MBNL2: variants seen among roughly 807,000 people sequenced by gnomAD.
The protein encoded by MBNL2 is muscleblind like splicing regulator 2, also known as muscleblind-like protein 2.
A neutral mutation model predicts 41.9 loss-of-function variants in MBNL2; 17 were observed. That is an observed-to-expected ratio of 0.41 (90% CI 0.28 to 0.61). MBNL2 has a LOEUF of 0.61. MBNL2 is among the 20% of genes least tolerant of loss of function. MBNL2 has a pLI of 0.35. For synonymous variants in MBNL2, 195 were observed against 182.9 expected, an observed-to-expected ratio of 1.07 and a Z score of -0.53; for missense variants, 336 against 505.6, an observed-to-expected ratio of 0.66 and a Z score of 3.22.
chr13:97,268,211 C>A lies in MBNL2; in HGVS notation c.-604-7421C>A, dbSNP rs2050224656. ...CTGGGTTCAAGTGATTCTCATGTCTCAGCCTCCTGAATAGCTGGGATTACA... is the reference window on the plus strand; with the variant it reads ...CTGGGTTCAAGTGATTCTCATGTCTAAGCCTCCTGAATAGCTGGGATTACA... On this transcript the variant is annotated intron_variant, in intron 1 of 8. Coordinates refer to ENST00000679496, the MANE Select transcript of MBNL2 (RefSeq NM_001382683.1). This position sits in a 1 kb window ranked among gnomAD's most constrained non-coding sequence, Gnocchi z 4.6. Among the ~76,000 whole-genome samples, 1 of 152,206 alleles carries A rather than the reference C, an allele frequency of 6.6e-6. No homozygotes were observed. The highest frequency in any genetic ancestry group is 2.4e-5 in the African/African-American group (1 of 41,458).
chr13:97,358,105 C>T (rs1360842612), intron 7 of MBNL2, among the ~76,000 whole-genome samples: 1 of 152,168 alleles, frequency 6.6e-6, no homozygotes, highest in Non-Finnish European at 1.5e-5. Flanking sequence ...CATTCTATCT[C>T]TTTCTCCATC....
At chr13:97,345,256 A>AT (rs1357283704) in intron 4 of MBNL2, among the ~76,000 whole-genome samples, 6 of 152,232 alleles carry the variant, frequency 3.9e-5, no homozygotes, top group Admixed American at 3.9e-4. Flanking sequence ...GATCATTTAC[A>AT]TATCCACTTT....
At chr13:97,283,722 TA>T (rs1319866347) in intron 2 of MBNL2, among the ~76,000 whole-genome samples, 1 of 152,062 alleles carries the variant, frequency 6.6e-6, no homozygotes, top group Non-Finnish European at 1.5e-5. Context: ...TGAGGATCAT[TA>T]AAAAAATCTT....
At chr13:97,233,246 CG>C (rs1566356100) in intron 1 of MBNL2, among the ~76,000 whole-genome samples, 1 of 139,836 alleles carries the variant, frequency 7.2e-6, no homozygotes, top group Non-Finnish European at 1.5e-5. Context: ...TGTATACATG[CG>C]CCATGTTGGT....
chr13:97,284,987 A>G (rs2054135777), intron 2 of MBNL2, among the ~76,000 whole-genome samples: 1 of 152,212 alleles, frequency 6.6e-6, no homozygotes, highest in Non-Finnish European at 1.5e-5. Flanking sequence ...ATCAGTTCTT[A>G]TGAAACCATT....
chr13:97,272,688 C>A (rs1382630207), intron 1 of MBNL2, among the ~76,000 whole-genome samples: 2 of 152,142 alleles, frequency 1.3e-5, no homozygotes, highest in Non-Finnish European at 2.9e-5. Flanking sequence ...AGGGTGTGAT[C>A]TCACTTAGAG....
the MBNL2 span, among the ~76,000 whole-genome samples, chr13:97,144,078 A>C: frequency 1.3e-5 from 2 of 152,158 alleles, no homozygotes; most frequent in Non-Finnish European, 2.9e-5. Context: ...TCCTGACCTC[A>C]AGTAATCTGC....
chr13:97,343,625 C>T (rs1223755095), intron 4 of MBNL2, among the ~76,000 whole-genome samples: 1 of 152,026 alleles, frequency 6.6e-6, no homozygotes. Flanking sequence ...CCAGGGCAGC[C>T]GAGGACACTC....
chr13:97,315,730 G>C (rs946171573), intron 2 of MBNL2, among the ~76,000 whole-genome samples: 13 of 152,178 alleles, frequency 8.5e-5, no homozygotes, highest in African/African-American at 3.1e-4. Flanking sequence ...AGCATGAAAA[G>C]AAAGCAGGGC....
intron 1 of MBNL2, among the ~76,000 whole-genome samples, chr13:97,238,476 T>C (rs979714499): frequency 3.9e-5 from 6 of 152,170 alleles, no homozygotes; most frequent in African/African-American, 2.4e-5. Context: ...GTGTCATAGA[T>C]TAAGGCTTCC....
At chr13:97,170,165 C>G in the MBNL2 span, among the ~76,000 whole-genome samples, 1 of 152,142 alleles carries the variant, frequency 6.6e-6, no homozygotes, top group East Asian at 1.9e-4. Context: ...CTGAGTTCAT[C>G]TTAAATTCTA....
At chr13:97,264,636 C>T (rs373367451) in intron 1 of MBNL2, among the ~76,000 whole-genome samples, 1 of 152,142 alleles carries the variant, frequency 6.6e-6, no homozygotes, top group Non-Finnish European at 1.5e-5. Context: ...GTTGGTTACA[C>T]TATGATTTTC....
chr13:97,320,381 C>G (rs1391171356), intron 2 of MBNL2, among the ~76,000 whole-genome samples: 2 of 151,706 alleles, frequency 1.3e-5, no homozygotes, highest in Non-Finnish European at 2.9e-5. Flanking sequence ...CTCAGCCTCC[C>G]GAGTAGCTGG....
chr13:97,161,341 A>T, the MBNL2 span, among the ~76,000 whole-genome samples: 2 of 152,060 alleles, frequency 1.3e-5, no homozygotes, highest in African/African-American at 4.8e-5. Flanking sequence ...ATCATCTCAA[A>T]TTTTTTTGCA....
intron 2 of MBNL2, among the ~76,000 whole-genome samples, chr13:97,279,115 A>T (rs532054639): frequency 6.6e-6 from 1 of 152,246 alleles, no homozygotes; most frequent in Non-Finnish European, 1.5e-5. Context: ...AATAATGACA[A>T]TGATAATTAT....
intron 1 of MBNL2, among the ~76,000 whole-genome samples, chr13:97,252,150 G>A (rs568234584): frequency 2.0e-5 from 3 of 152,192 alleles, no homozygotes; most frequent in Admixed American, 6.5e-5. Context: ...GCGCCCGGCC[G>A]TATCCTCAAT....
intron 5 of MBNL2, among the ~76,000 whole-genome samples, chr13:97,352,715 C>T (rs2153099017): frequency 6.6e-6 from 1 of 152,176 alleles, no homozygotes; most frequent in Admixed American, 6.5e-5. Context: ...TGCCACAAAC[C>T]TTCAATTTTA....
chr13:97,145,510 C>G, the MBNL2 span, among the ~76,000 whole-genome samples: 1 of 152,114 alleles, frequency 6.6e-6, no homozygotes, highest in Non-Finnish European at 1.5e-5. Flanking sequence ...ATGCAGGTGC[C>G]CAGTAGCTTG....
rs565824359 is a variant in MBNL2, at chr13:97,228,616, G to T, written c.-605+6085G>T. On this transcript the variant is annotated intron_variant, in intron 1 of 8. Transcript: ENST00000679496. Reference sequence around the variant, plus strand: ...CTATCTCAGCTCACTGCCAACCTCTGCCTCCCAGGTTCAAGCGATTCTCCT... The same window carrying T: ...CTATCTCAGCTCACTGCCAACCTCTTCCTCCCAGGTTCAAGCGATTCTCCT... Among the ~76,000 whole-genome samples, 73 of 144,400 alleles carry T rather than the reference G, an allele frequency of 5.1e-4. No homozygotes were observed. In the South Asian group the frequency reaches 0.015, roughly 29 times the overall value. The allele number at this position is 144,400 out of a possible 152,430, so 94.7% of individuals were successfully genotyped here.
Sources: gnomAD v4.1 joint callset for allele counts (sites outside exome capture counted in the v4.1 genomes callset) on GRCh38, gnomAD v4.1.1 for gene constraint, Gnocchi (gnomAD v3.1) non-coding constraint, MANE v1.5 for transcripts, NCBI Gene and HGNC (gene_info 2026-07-23, HGNC 2026-07-21) for gene names.